KYAT1: variants seen among roughly 807,000 people sequenced by gnomAD.
KYAT1 encodes the protein kynurenine--oxoglutarate transaminase 1.
Under a neutral mutation model 52.4 loss-of-function variants are expected in KYAT1, and 47 were observed. The ratio of observed to expected loss-of-function variants is 0.90; its 90% confidence interval spans 0.71 to 1.14. The LOEUF is 1.14. Among genes scored for constraint, KYAT1 ranks in the 50% most tolerant of loss-of-function variants. The probability of loss-of-function intolerance (pLI) is 0.00; values close to 1 mark genes in which losing one functional copy is unlikely to be tolerated. For missense variants in KYAT1, 480 were observed against 557.9 expected (o/e 0.86, Z 1.41); for synonymous variants, 212 against 209.6 (o/e 1.01, Z -0.10).
intron 7 of KYAT1, 50 bp from the exon 8 acceptor site, chr9:128,836,123 G>A (rs778758656): frequency 1.9e-6 from 3 of 1,570,980 alleles, no homozygotes; most frequent in Non-Finnish European, 1.7e-6. Flanking sequence ...GAGGGGGACG[G>A]GGGAGGATGG....
chr9:128,861,626 A>C (rs1453700974), intron 1 of KYAT1, among the ~76,000 whole-genome samples: 1 of 152,104 alleles, frequency 6.6e-6, no homozygotes, highest in Non-Finnish European at 1.5e-5. Context: ...TGAAGTATGT[A>C]CTCTGACCCC....
intron 1 of KYAT1, among the ~76,000 whole-genome samples, chr9:128,875,254 T>G (rs534729776): frequency 3.3e-4 from 50 of 151,378 alleles, no homozygotes; most frequent in African/African-American, 1.1e-3. Flanking sequence ...TTTTGTTTTT[T>G]TTTTTTTTTT....
intron 2 of KYAT1, among the ~76,000 whole-genome samples, chr9:128,844,123 C>T (rs1832693088): frequency 6.6e-6 from 1 of 152,174 alleles, no homozygotes; most frequent in Non-Finnish European, 1.5e-5. Context: ...GCCTGGGGGC[C>T]ACCTCTCCAG....
At position 128,857,749 on chromosome 9, in the gene KYAT1, T is replaced by C. The variant is rs1361530846; in HGVS notation, c.-6-12338A>G. Among the ~76,000 whole-genome samples the C allele has an allele frequency of 3.3e-5, 5 of 152,152 alleles. No homozygotes were observed. In the East Asian group the frequency reaches 9.6e-4, roughly 29 times the overall value. On this transcript the variant is annotated intron_variant, in intron 1 of 12. Transcript: ENST00000302586. ...TGCTCTGGAGGCTGAGGCAGGAGAA[T>C]GGCGTGAACCCGGGAGGCGGAGCTT...
chr9:128,844,900 AAACAATATC>A (rs1314524589), intron 2 of KYAT1, among the ~76,000 whole-genome samples: 1 of 152,170 alleles, frequency 6.6e-6, no homozygotes, highest in Non-Finnish European at 1.5e-5. Context: ...TCAAAAAAGA[AAACAATATC>A]AACCTCTGCA....
chr9:128,842,724 T>G lies in KYAT1; in HGVS notation c.131A>C (p.Asp44Ala). 1 of 1,614,122 alleles carries G rather than the reference T, an allele frequency of 6.2e-7. No individual in the cohort carries two copies. The highest frequency in any genetic ancestry group is 8.5e-7 in the Non-Finnish European group (1 of 1,180,016). Reference sequence around the variant, plus strand: ...GTGCTGAAAGGCTTCCACGGCAAAGTCTGGTGGTGGGAAATCCGGGAAGCC... The same window carrying G: ...GTGCTGAAAGGCTTCCACGGCAAAGGCTGGTGGTGGGAAATCCGGGAAGCC... ...GQGFPDFPPP[D>A]FAVEAFQHAV... Residue 44 changes from aspartate to alanine, a missense_variant, in exon 3 of 13, where the codon GAC becomes GCC. Physicochemically the swap from Asp to Ala is moderately radical, Grantham distance 126. Coordinates refer to ENST00000302586, the MANE Select transcript of KYAT1 (RefSeq NM_004059.5).
At chr9:128,840,278 TTG>T (rs1831910969) in intron 3 of KYAT1, among the ~76,000 whole-genome samples, 3 of 304 alleles carry the variant, frequency 9.9e-3, no homozygotes, top group Non-Finnish European at 0.022. Context: ...CTCTATTTTG[TTG>T]TTGTTGTTGT....
chr9:128,862,623 C>A (rs1835613053), intron 1 of KYAT1, among the ~76,000 whole-genome samples: 1 of 152,248 alleles, frequency 6.6e-6, no homozygotes, highest in Admixed American at 6.5e-5. Flanking sequence ...AAAGGCGGTG[C>A]CTTCTGTGTG....
rs778706625 is a variant in KYAT1 at position 128,835,548 on chromosome 9, C to T, written c.975G>A (p.Gln325=). 9.3e-6 allele frequency: 15 copies of T among 1,613,614 alleles called. 1 individual carries two copies. The South Asian group carries it at 1.6e-4, about 18-fold the overall frequency. The change falls in exon 10 of 13, where the codon CAG becomes CAA. Residue 325 remains glutamine, a synonymous_variant. Transcript: ENST00000302586. Reference sequence around the variant, plus strand: ...GGATGATGGGCTTCAGGCCCACTGACTGTAGGCTACGTATCATGTGGTCAC... The same window carrying T: ...GGATGATGGGCTTCAGGCCCACTGATTGTAGGCTACGTATCATGTGGTCAC... The part of the protein sequence containing the change: ...RCRDHMIRSL[Q]SVGLKPIIPQ...
At chr9:128,869,680 C>T (rs1442011955) in intron 1 of KYAT1, among the ~76,000 whole-genome samples, 4 of 152,012 alleles carry the variant, frequency 2.6e-5, no homozygotes, top group South Asian at 2.1e-4. Flanking sequence ...GCAATCCTCC[C>T]GTTTCGGCCT....
intron 1 of KYAT1, among the ~76,000 whole-genome samples, chr9:128,876,089 T>G (rs1837988290): frequency 6.6e-6 from 1 of 152,088 alleles, no homozygotes; most frequent in Non-Finnish European, 1.5e-5. Context: ...CTTGGCAGCC[T>G]CCACCTTCCC....
intron 1 of KYAT1, among the ~76,000 whole-genome samples, chr9:128,850,777 AC>A (rs1337135468): frequency 6.6e-6 from 1 of 152,160 alleles, no homozygotes; most frequent in African/African-American, 2.4e-5. Context: ...TCAGTATAAA[AC>A]CTGATTATAC....
At chr9:128,856,128 C>T (rs534379872) in intron 1 of KYAT1, among the ~76,000 whole-genome samples, 19 of 152,092 alleles carry the variant, frequency 1.2e-4, no homozygotes, top group African/African-American at 3.4e-4. Context: ...CATGGTTAGA[C>T]GCCATCTACA....
chr9:128,869,648 G>A (rs1045948775), intron 1 of KYAT1, among the ~76,000 whole-genome samples: 86 of 152,076 alleles, frequency 5.7e-4, no homozygotes, highest in African/African-American at 2.1e-3. Flanking sequence ...TGCCCAGGCT[G>A]GGCTTTAACT....
intron 1 of KYAT1, among the ~76,000 whole-genome samples, chr9:128,877,215 A>C (rs540526553): frequency 6.6e-6 from 1 of 152,102 alleles, no homozygotes; most frequent in African/African-American, 2.4e-5. Context: ...GCTTTTGAAT[A>C]AATGTTGCCC....
chr9:128,864,117 C>G (rs2130707986), intron 1 of KYAT1, among the ~76,000 whole-genome samples: 1 of 152,098 alleles, frequency 6.6e-6, no homozygotes, highest in Non-Finnish European at 1.5e-5. Context: ...AATCCCAGCA[C>G]TTTGGGAGGC....
chr9:128,875,299 G>C (rs1157122649), intron 1 of KYAT1, among the ~76,000 whole-genome samples: 1 of 137,232 alleles, frequency 7.3e-6, no homozygotes, highest in Non-Finnish European at 1.5e-5. Flanking sequence ...CTGCTGTGTC[G>C]CCCAGGCCGG....
intron 8 of KYAT1, 21 bp from the exon 9 acceptor site, chr9:128,835,889 G>C: frequency 6.2e-7 from 1 of 1,613,204 alleles, no homozygotes; most frequent in Non-Finnish European, 8.5e-7. Context: ...GGCGCAGGTA[G>C]GGGGAGAGGT....
At chr9:128,856,880 G>A (rs972093196) in intron 1 of KYAT1, among the ~76,000 whole-genome samples, 6 of 152,200 alleles carry the variant, frequency 3.9e-5, no homozygotes, top group African/African-American at 7.2e-5. Context: ...CCCAACACCC[G>A]TAAAGGGTCT....
Sources: allele counts gnomAD v4.1 joint callset (sites outside exome capture counted in the v4.1 genomes callset), GRCh38; gene constraint gnomAD v4.1.1; transcripts MANE v1.5; gene names NCBI Gene and HGNC (gene_info 2026-07-23, HGNC 2026-07-21).